Variants in NLGN1 observed in about 807,000 individuals in gnomAD.
NLGN1 encodes neuroligin-1.
In NLGN1, 12 loss-of-function variants were observed where a neutral mutation model predicts 65.5. The observed-to-expected ratio is 0.18, with a 90% CI of 0.12 to 0.30. The LOEUF is 0.30. Ranked by LOEUF, NLGN1 falls within the 10% of genes least tolerant of loss-of-function variation. NLGN1 has a pLI of 1.00. For missense variants in NLGN1, 750 were observed against 1,007.1 expected (o/e 0.74, Z 3.46); for synonymous variants, 350 against 359.5 (o/e 0.97, Z 0.30).
intron 2 of NLGN1, among the ~76,000 whole-genome samples, chr3:173,446,060 CTTTTTTTTTT>C (rs554305581): frequency 6.9e-6 from 1 of 145,214 alleles, no homozygotes; most frequent in African/African-American, 2.5e-5. Flanking sequence ...TTCTTTTTTT[CTTTTTTTTTT>C]TACTATTATT....
intron 4 of NLGN1, among the ~76,000 whole-genome samples, chr3:173,820,803 T>C (rs532748631): frequency 6.6e-6 from 1 of 152,276 alleles, no homozygotes; most frequent in African/African-American, 2.4e-5. Context: ...ACATACGATA[T>C]TGCAGAAGGA....
chr3:174,008,308 G>A (rs1724855402), intron 4 of NLGN1, among the ~76,000 whole-genome samples: 3 of 151,982 alleles, frequency 2.0e-5, no homozygotes, highest in African/African-American at 7.3e-5. Context: ...TGTTACGTAG[G>A]CAAACCTGCT....
At chr3:173,784,080 G>T (rs537540496) in intron 3 of NLGN1, among the ~76,000 whole-genome samples, 2 of 152,146 alleles carry the variant, frequency 1.3e-5, no homozygotes, top group African/African-American at 4.8e-5. Flanking sequence ...GTCATAAAAT[G>T]TATGGAGCAC....
intron 3 of NLGN1, among the ~76,000 whole-genome samples, chr3:173,660,587 G>A (rs1370682413): frequency 7.2e-5 from 11 of 151,786 alleles, no homozygotes; most frequent in Non-Finnish European, 2.9e-5. Context: ...CATACTAAGT[G>A]ATCTTTGGAA....
chr3:174,110,012 T>C (rs575531383), intron 4 of NLGN1, among the ~76,000 whole-genome samples: 32 of 152,206 alleles, frequency 2.1e-4, no homozygotes, highest in African/African-American at 7.2e-4. Flanking sequence ...TTGAATTGTG[T>C]AGAATGTTCC....
intron 4 of NLGN1, among the ~76,000 whole-genome samples, chr3:173,921,226 C>T (rs1741952316): frequency 2.1e-5 from 3 of 145,462 alleles, no homozygotes; most frequent in South Asian, 4.3e-4. Context: ...ATATACTATG[C>T]ATGTATAATA....
At chr3:174,160,934 C>G (rs1448052285) in intron 4 of NLGN1, among the ~76,000 whole-genome samples, 1 of 151,638 alleles carries the variant, frequency 6.6e-6, no homozygotes, top group Non-Finnish European at 1.5e-5. Flanking sequence ...CTCAACCCCT[C>G]TACTACTCTG....
chr3:173,646,513 C>CA (rs1298932187), intron 3 of NLGN1, among the ~76,000 whole-genome samples: 21 of 152,162 alleles, frequency 1.4e-4, no homozygotes, highest in African/African-American at 4.3e-4. Flanking sequence ...GTTTCCAACA[C>CA]AAAAAATAAT....
chr3:174,100,665 AGG>A (rs1382695728), intron 4 of NLGN1, among the ~76,000 whole-genome samples: 1 of 151,980 alleles, frequency 6.6e-6, no homozygotes. Context: ...GGCTTCACAT[AGG>A]CTGCAGTTTA....
chr3:174,263,147 A>C (rs565730726), intron 4 of NLGN1, among the ~76,000 whole-genome samples: 2 of 150,464 alleles, frequency 1.3e-5, no homozygotes, highest in African/African-American at 2.5e-5. Flanking sequence ...GGTGCTGAAA[A>C]AAATGTATAT....
chr3:173,785,786 G>A (rs974169244), intron 3 of NLGN1, among the ~76,000 whole-genome samples: 8 of 152,006 alleles, frequency 5.3e-5, no homozygotes, highest in African/African-American at 7.3e-5. Context: ...GGAGTAGACC[G>A]TACTGTTTCT....
At chr3:173,517,640 A>G (rs9848841) in intron 2 of NLGN1, among the ~76,000 whole-genome samples, 7,702 of 152,118 alleles carry the variant, frequency 0.051, 615 homozygotes, top group African/African-American at 0.18. Context: ...TCATCCTTCC[A>G]TATACAGTCT....
At chr3:174,249,771 C>T (rs1490924470) in intron 4 of NLGN1, among the ~76,000 whole-genome samples, 1 of 152,130 alleles carries the variant, frequency 6.6e-6, no homozygotes, top group Non-Finnish European at 1.5e-5. Context: ...ATGTTTAAAA[C>T]CAGGGGAGTT....
chr3:173,916,185 A>C (rs1740692461), intron 4 of NLGN1, among the ~76,000 whole-genome samples: 1 of 152,002 alleles, frequency 6.6e-6, no homozygotes, highest in Non-Finnish European at 1.5e-5. Context: ...AGTAAAAGTT[A>C]GTATGATTAT....
intron 3 of NLGN1, 139 bp downstream of exon 2, chr3:173,605,230 T>C: frequency 1.4e-6 from 1 of 693,742 alleles, no homozygotes; most frequent in East Asian, 2.8e-5. Flanking sequence ...CATGCGTGCA[T>C]GGTGCTCTTT....
chr3:173,830,880 T>C (rs1481367239), intron 4 of NLGN1, among the ~76,000 whole-genome samples: 1 of 152,204 alleles, frequency 6.6e-6, no homozygotes, highest in Non-Finnish European at 1.5e-5. Context: ...TATAGATTTT[T>C]ATTTACTCTT....
At chr3:174,147,819 A>G (rs7649704) in intron 4 of NLGN1, among the ~76,000 whole-genome samples, 10,628 of 152,190 alleles carry the variant, frequency 0.07, 527 homozygotes, top group African/African-American at 0.13. Context: ...ATTATTGTGA[A>G]TAAGAGTTTC....
chr3:173,864,018 T>C (rs1418303765), intron 4 of NLGN1, among the ~76,000 whole-genome samples: 2 of 152,226 alleles, frequency 1.3e-5, no homozygotes, highest in African/African-American at 4.8e-5. Context: ...GGAAGAATAA[T>C]GATCTGTCTC....
At chr3:174,007,634 G>A (rs568762907) in intron 4 of NLGN1, among the ~76,000 whole-genome samples, 2 of 152,284 alleles carry the variant, frequency 1.3e-5, no homozygotes, top group East Asian at 3.9e-4. Flanking sequence ...CAGATCTAAC[G>A]AGACATGCAT....
Sources: gnomAD v4.1 joint callset for allele counts (sites outside exome capture counted in the v4.1 genomes callset) on GRCh38, gnomAD v4.1.1 for gene constraint, MANE v1.5 for transcripts, NCBI Gene and HGNC (gene_info 2026-07-23, HGNC 2026-07-21) for gene names.